Variants in EPHA6 observed in about 807,000 individuals in gnomAD.
The protein encoded by EPHA6 is EPH receptor A6, also known as ephrin type-A receptor 6.
EPHA6 carries 50 observed loss-of-function variants against 112.0 expected under a neutral mutation model. That is an observed-to-expected ratio of 0.45 (90% CI 0.36 to 0.56). EPHA6 has a LOEUF of 0.56. EPHA6 is among the 20% of genes least tolerant of loss of function. The pLI is 0.00. For synonymous variants in EPHA6, 529 were observed against 490.7 expected (o/e 1.08, Z -1.03); for missense variants, 1,280 against 1,417.4 (o/e 0.90, Z 1.56).
At chr3:97,714,637 G>T (rs2034134159) in intron 14 of EPHA6, among the ~76,000 whole-genome samples, 1 of 152,212 alleles carries the variant, frequency 6.6e-6, no homozygotes, top group South Asian at 2.1e-4. Flanking sequence ...CTCAAGATCA[G>T]TGATTCTCAA....
intron 2 of EPHA6, among the ~76,000 whole-genome samples, chr3:96,984,256 A>G (rs902641133): frequency 1.3e-5 from 2 of 152,024 alleles, no homozygotes; most frequent in Admixed American, 1.3e-4. Context: ...TCTGTTTGTT[A>G]GTTTTCCTTC....
intron 6 of EPHA6, among the ~76,000 whole-genome samples, chr3:97,425,745 G>T (rs955351849): frequency 2.0e-5 from 3 of 152,084 alleles, no homozygotes; most frequent in Admixed American, 6.5e-5. Flanking sequence ...CTATTGCATT[G>T]TCAGGCTGCA....
chr3:97,667,694 G>A (rs1032911156), intron 14 of EPHA6, among the ~76,000 whole-genome samples: 2 of 152,090 alleles, frequency 1.3e-5, no homozygotes, highest in African/African-American at 2.4e-5. Context: ...AACAACATGG[G>A]CAAACTCTTA....
At chr3:97,288,969 A>G (rs547515922) in intron 5 of EPHA6, among the ~76,000 whole-genome samples, 61 of 102,954 alleles carry the variant, frequency 5.9e-4, no homozygotes, top group Middle Eastern at 0.013. Flanking sequence ...TAAGTTTCCT[A>G]TAGATTATGG....
At chr3:97,723,574 C>A (rs2034624951) in intron 15 of EPHA6, among the ~76,000 whole-genome samples, 1 of 152,124 alleles carries the variant, frequency 6.6e-6, no homozygotes, top group Admixed American at 6.5e-5. Context: ...TTCCTCCACC[C>A]AGAGCTTGAT....
chr3:97,176,582 G>T (rs968164048), intron 3 of EPHA6, among the ~76,000 whole-genome samples: 1 of 151,614 alleles, frequency 6.6e-6, no homozygotes, highest in Non-Finnish European at 1.5e-5. Flanking sequence ...CTTTTTATTG[G>T]TTTATTGAGG....
Position 96,988,007 on chromosome 3 carries a change from A to G in EPHA6, c.1114+14A>G, listed in dbSNP as rs1252706613. ...GTTCTTGCCATGGTAAGAAACAAAC[A>G]TTTAAATAATTTATCTTGCATTTAA... On this transcript the variant is annotated intron_variant, in intron 3 of 17. Coordinates refer to ENST00000389672, the MANE Select transcript of EPHA6 (RefSeq NM_001080448.3). 3 of 1,523,582 alleles carry G rather than the reference A, an allele frequency of 2.0e-6. No homozygotes were observed. Among genetic ancestry groups the G allele is most frequent in the Non-Finnish European group, 2.6e-6 (3 of 1,133,022 alleles). The allele number at this position is 1,523,582 out of a possible 1,614,324, so 94.4% of individuals were successfully genotyped here.
intron 3 of EPHA6, among the ~76,000 whole-genome samples, chr3:97,055,639 G>C (rs1440309720): frequency 6.6e-6 from 1 of 152,140 alleles, no homozygotes; most frequent in East Asian, 1.9e-4. Context: ...AGGAACAACT[G>C]TCCTCCAGGT....
At chr3:97,610,106 T>C (rs1180248290) in intron 12 of EPHA6, among the ~76,000 whole-genome samples, 3 of 151,716 alleles carry the variant, frequency 2.0e-5, no homozygotes, top group Admixed American at 2.0e-4. Flanking sequence ...TCTGATCTTA[T>C]CTTCTATACC....
At chr3:97,075,777 A>G (rs1389104381) in intron 3 of EPHA6, among the ~76,000 whole-genome samples, 3 of 151,832 alleles carry the variant, frequency 2.0e-5, no homozygotes, top group Non-Finnish European at 4.4e-5. Context: ...CAATTTTTCA[A>G]TAGAATGTAT....
At chr3:97,247,697 A>T (rs980066004) in intron 5 of EPHA6, among the ~76,000 whole-genome samples, 2 of 151,930 alleles carry the variant, frequency 1.3e-5, no homozygotes, top group African/African-American at 4.8e-5. Flanking sequence ...TGAAGAGTTC[A>T]TCTAAAATTT....
At chr3:97,388,638 G>A (rs1242637118) in intron 5 of EPHA6, among the ~76,000 whole-genome samples, 1 of 152,152 alleles carries the variant, frequency 6.6e-6, no homozygotes, top group Non-Finnish European at 1.5e-5. Flanking sequence ...CTTCTCTTTG[G>A]TAATGGGAGG....
At chr3:96,891,485 C>A (rs960281649) in intron 2 of EPHA6, among the ~76,000 whole-genome samples, 2 of 152,068 alleles carry the variant, frequency 1.3e-5, no homozygotes, top group East Asian at 1.9e-4. Flanking sequence ...CCGAGATGGG[C>A]AGATCACTTG....
intron 3 of EPHA6, among the ~76,000 whole-genome samples, chr3:97,214,509 A>G (rs1024714253): frequency 1.3e-5 from 2 of 151,458 alleles, no homozygotes; most frequent in Non-Finnish European, 2.9e-5. Context: ...AGAAAAGAAA[A>G]TTAGTGGTAT....
Position 96,987,439 on chromosome 3 carries a change from C to G in EPHA6, c.560C>G (p.Ser187Cys). ...QNNWLRTNWI[S>C]RDAAQKIYVE... ...AACTGGCTTCGTACAAACTGGATCT[C>G]CCGTGATGCAGCTCAGAAAATTTAT... is the stretch of plus-strand genomic sequence containing the variant. Residue 187 changes from serine to cysteine, a missense_variant, in exon 3 of 18, where the codon TCC becomes TGC. Around this residue, in one of 4 missense-constraint regions of EPHA6, gnomAD observed 878 missense variants for 999.7 expected, o/e 0.88. Transcript: ENST00000389672. The G allele has an allele frequency of 6.2e-7, 1 of 1,613,874 alleles. No individual in the cohort carries two copies. Among genetic ancestry groups the G allele is most frequent in the Non-Finnish European group, 8.5e-7 (1 of 1,179,860 alleles).
intron 3 of EPHA6, among the ~76,000 whole-genome samples, chr3:97,058,718 A>G (rs1269667936): frequency 6.6e-6 from 1 of 152,218 alleles, no homozygotes; most frequent in East Asian, 1.9e-4. Context: ...CTCCTTAATC[A>G]CTTTTTGCCT....
At chr3:97,720,115 T>G (rs573694996) in intron 14 of EPHA6, 146 bp from the exon 15 acceptor site, 1 of 600,980 alleles carries the variant, frequency 1.7e-6, no homozygotes, top group East Asian at 3.5e-5. Context: ...TTTAACATTA[T>G]TCTGGCTTTC....
At chr3:97,236,212 T>C (rs1273816398) in intron 4 of EPHA6, among the ~76,000 whole-genome samples, 1 of 151,836 alleles carries the variant, frequency 6.6e-6, no homozygotes, top group Non-Finnish European at 1.5e-5. Context: ...GTCCAAGGCT[T>C]TTCCAGGCCA....
In EPHA6 at chr3:96,892,984, G is replaced by A. The variant is rs550935515; in HGVS notation, c.450+26095G>A. Among the ~76,000 whole-genome samples the A allele has an allele frequency of 4.8e-3, 686 of 143,798 alleles. 7 individuals are homozygous for A. The highest frequency in any genetic ancestry group is 0.018 in the African/African-American group (653 of 36,194). The allele number at this position is 143,798 out of a possible 152,430, so 94.3% of individuals were successfully genotyped here. On this transcript the variant is annotated intron_variant, in intron 2 of 17. Transcript: ENST00000389672. ...TGTGTGTGTGTGTGTGTGTGTGTTC[G>A]TGTGTGTGTGTGTGCGCGCGCAAAG... is the stretch of plus-strand genomic sequence containing the variant.
Sources: gnomAD v4.1 joint callset for allele counts (sites outside exome capture counted in the v4.1 genomes callset) on GRCh38, gnomAD v4.1.1 for gene constraint, gnomAD v4.1.1 regional missense constraint, MANE v1.5 for transcripts, NCBI Gene and HGNC (gene_info 2026-07-23, HGNC 2026-07-21) for gene names.